The following UBAC2 variants were observed in gnomAD, a reference collection of about 807,000 sequenced individuals.
The protein encoded by UBAC2 is UBA domain containing 2, also known as ubiquitin-associated domain-containing protein 2.
A neutral mutation model predicts 44.0 loss-of-function variants in UBAC2; 26 were observed. The observed-to-expected ratio is 0.59, with a 90% confidence interval of 0.43 to 0.82. UBAC2 has a LOEUF of 0.82. UBAC2 is among the 40% of genes least tolerant of loss of function. The pLI, the probability that UBAC2 is intolerant of heterozygous loss-of-function variation, is 0.00. For synonymous variants in UBAC2, 155 were observed against 154.3 expected, an observed-to-expected ratio of 1.00 and a Z score of -0.04; for missense variants, 329 against 419.4, an observed-to-expected ratio of 0.78 and a Z score of 1.88.
chr13:99,375,997 G>A (rs1349898660), intron 8 of UBAC2, among the ~76,000 whole-genome samples: 1 of 143,358 alleles, frequency 7.0e-6, no homozygotes, highest in African/African-American at 2.6e-5. Context: ...TTTTGGTAGA[G>A]ACAAGGGTTG....
intron 4 of UBAC2, among the ~76,000 whole-genome samples, chr13:99,283,337 A>T (rs1033947915): frequency 2.6e-5 from 4 of 152,202 alleles, no homozygotes; most frequent in African/African-American, 9.7e-5. Context: ...GTTTGTTAAT[A>T]TCAGTGACAA....
chr13:99,229,784 G>T (rs1566457092), intron 1 of UBAC2, among the ~76,000 whole-genome samples: 1 of 152,142 alleles, frequency 6.6e-6, no homozygotes, highest in East Asian at 1.9e-4. Flanking sequence ...TCTTATAAAT[G>T]TATAGTTATA....
At chr13:99,381,498 T>C (rs1470836658) in intron 8 of UBAC2, among the ~76,000 whole-genome samples, 2 of 152,220 alleles carry the variant, frequency 1.3e-5, no homozygotes, top group African/African-American at 4.8e-5. Context: ...CCAAGCCGTT[T>C]AAATAAACGT....
chr13:99,339,957 A>G (rs1288531668), intron 6 of UBAC2, among the ~76,000 whole-genome samples: 2 of 152,232 alleles, frequency 1.3e-5, no homozygotes, highest in African/African-American at 2.4e-5. Flanking sequence ...TCTGCCAACA[A>G]AGGTAACCGC....
rs199769746 is a variant in UBAC2, at chr13:99,235,829, G to GT, written c.32-2597dup. On this transcript the variant is annotated intron_variant, in intron 1 of 8. Transcript: ENST00000403766. ...TTCTCCAAAAAAAAATTAGCCAGGT[G>GT]TGGTGGCTTGTGCCTGTAGTCCCAG... Among the ~76,000 whole-genome samples the GT allele has an allele frequency of 4.9e-3, 741 of 152,168 alleles. 4 individuals are homozygous for GT. The highest frequency in any genetic ancestry group is 7.5e-3 in the Non-Finnish European group (511 of 67,998).
rs796175256 is a variant in UBAC2 at position 99,347,328 on chromosome 13, C to T, written c.807+6763C>T. Among the ~76,000 whole-genome samples, 7 of 83,862 alleles carry T rather than the reference C, an allele frequency of 8.3e-5. 1 individual carries two copies. The East Asian group carries it at 2.3e-3, about 28-fold the overall frequency. The allele number at this position is 83,862 out of a possible 152,430, so 55.0% of individuals were successfully genotyped here. ...GTTACTATCCCCGGGCGCCCCCCCC[C>T]CCCCCCAGGAAAAAAAAGGCAAGTG... On this transcript the variant is annotated intron_variant, in intron 7 of 8. Transcript: ENST00000403766.
intron 4 of UBAC2, among the ~76,000 whole-genome samples, chr13:99,251,216 A>G (rs2043454605): frequency 6.6e-6 from 1 of 152,216 alleles, no homozygotes; most frequent in Non-Finnish European, 1.5e-5. Flanking sequence ...TGATCTTTCT[A>G]CATTGATTTG....
chr13:99,268,631 A>AG (rs960849326), intron 4 of UBAC2, among the ~76,000 whole-genome samples: 20 of 130,248 alleles, frequency 1.5e-4, no homozygotes, highest in African/African-American at 5.5e-4. Context: ...AAAAAAAAAA[A>AG]AAAGAAACAC....
chr13:99,242,811 G>GGGGCGGCTGCCGGGCA lies in UBAC2; in HGVS notation c.160-1020_160-1019insGGCGGCTGCCGGGCAG, dbSNP rs1566464011. 1.6e-4 allele frequency among the ~76,000 whole-genome samples: 22 copies of GGGGCGGCTGCCGGGCA among 141,296 alleles called. 1 individual carries two copies. Among genetic ancestry groups the GGGGCGGCTGCCGGGCA allele is most frequent in the African/African-American group, 4.7e-4 (18 of 37,946 alleles). The allele number at this position is 141,296 out of a possible 152,430, so 92.7% of individuals were successfully genotyped here. A position where few individuals can be genotyped will look rare whatever the true frequency, so the allele number is the denominator to read the frequency against. On this transcript the variant is annotated intron_variant, in intron 2 of 8. Transcript: ENST00000403766. ...TTCCCAGACGGGGTGGCTGCCGGGC[G>GGGGCGGCTGCCGGGCA]GAGGGGCTCCTCACTTCTCAGACGG...
intron 4 of UBAC2, among the ~76,000 whole-genome samples, chr13:99,273,778 A>G (rs1402188357): frequency 6.6e-6 from 1 of 150,588 alleles, no homozygotes; most frequent in African/African-American, 2.4e-5. Context: ...AATTATTTTG[A>G]TCACCTCCTC....
At chr13:99,257,406 G>A (rs2043583254) in intron 4 of UBAC2, among the ~76,000 whole-genome samples, 1 of 151,998 alleles carries the variant, frequency 6.6e-6, no homozygotes, top group Admixed American at 6.6e-5. Flanking sequence ...TATTGCATCA[G>A]GACTCCCTTC....
At chr13:99,342,343 C>T (rs1307833934) in intron 7 of UBAC2, among the ~76,000 whole-genome samples, 1 of 152,062 alleles carries the variant, frequency 6.6e-6, no homozygotes, top group Admixed American at 6.5e-5. Flanking sequence ...ACAGTCACAT[C>T]GTAGGGTTAG....
chr13:99,340,611 C>A, intron 7 of UBAC2, 46 bp downstream of exon 7: 1 of 1,580,842 alleles, frequency 6.3e-7, no homozygotes, highest in Non-Finnish European at 8.6e-7. Context: ...TCTCAGTGGC[C>A]CAAGCAAATC....
At chr13:99,313,884 G>A (rs898036942) in intron 4 of UBAC2, among the ~76,000 whole-genome samples, 2 of 152,050 alleles carry the variant, frequency 1.3e-5, no homozygotes, top group African/African-American at 2.4e-5. Context: ...GTTTCAGGAG[G>A]GTCAATAAGG....
At chr13:99,383,920 C>G (rs972996993) in intron 8 of UBAC2, among the ~76,000 whole-genome samples, 5 of 152,274 alleles carry the variant, frequency 3.3e-5, no homozygotes, top group Non-Finnish European at 7.3e-5. Context: ...TCTGCACCTT[C>G]TTCCTCACCT....
intron 4 of UBAC2, among the ~76,000 whole-genome samples, chr13:99,249,376 C>CT (rs1397215939): frequency 6.6e-6 from 1 of 152,118 alleles, no homozygotes; most frequent in African/African-American, 2.4e-5. Context: ...TGATTTCATT[C>CT]TTTTTTATGG....
chr13:99,301,002 T>TATACTTAGTTA (rs2044249814), intron 4 of UBAC2, among the ~76,000 whole-genome samples: 2 of 150,404 alleles, frequency 1.3e-5, no homozygotes, highest in Admixed American at 1.3e-4. Context: ...TAAACTAAGG[T>TATACTTAGTTA]ATACTAGAAA....
At chr13:99,338,039 CTTTTTTTCTTTTTTTTTTT>C (rs1215425323) in intron 6 of UBAC2, among the ~76,000 whole-genome samples, 7 of 91,562 alleles carry the variant, frequency 7.6e-5, no homozygotes, top group African/African-American at 3.0e-4. Flanking sequence ...AACTTTTTTT[CTTTTTTTCTTTTTTTTTTT>C]TTTTTTTTTT....
chr13:99,248,393 T>A (rs1420296109), intron 4 of UBAC2, among the ~76,000 whole-genome samples: 2 of 150,836 alleles, frequency 1.3e-5, no homozygotes, highest in Non-Finnish European at 1.5e-5. Flanking sequence ...ACCTAATTTT[T>A]TTTTTTTTTT....
Sources: allele counts gnomAD v4.1 joint callset (sites outside exome capture counted in the v4.1 genomes callset), GRCh38; gene constraint gnomAD v4.1.1; transcripts MANE v1.5; gene names NCBI Gene and HGNC (gene_info 2026-07-23, HGNC 2026-07-21).